The following LRMDA variants were observed in gnomAD, a reference collection of about 807,000 sequenced individuals.
LRMDA encodes leucine-rich melanocyte differentiation-associated protein.
LRMDA carries 18 observed loss-of-function variants against 29.8 expected under a neutral mutation model. That is an observed-to-expected ratio of 0.60 (90% CI 0.42 to 0.90). The LOEUF (loss-of-function observed/expected upper bound fraction) is 0.90, where lower values mean the gene tolerates loss of function less well. Ranked by LOEUF, LRMDA falls within the 40% of genes least tolerant of loss-of-function variation. The pLI is 0.00. For missense variants in LRMDA, 273 were observed against 273.9 expected (o/e 1.00, Z 0.02); for synonymous variants, 125 against 109.4 (o/e 1.14, Z -0.89).
At chr10:75,518,844 T>G (rs1845325277) in intron 2 of LRMDA, among the ~76,000 whole-genome samples, 1 of 152,234 alleles carries the variant, frequency 6.6e-6, no homozygotes, top group Admixed American at 6.5e-5. Flanking sequence ...CACTTAGTGC[T>G]ATAAATTTCC....
chr10:75,696,188 A>G (rs1323920890), intron 2 of LRMDA, among the ~76,000 whole-genome samples: 2 of 152,252 alleles, frequency 1.3e-5, no homozygotes, highest in Non-Finnish European at 2.9e-5. Flanking sequence ...TGCTGCAGTA[A>G]CAACCCCCAA....
At chr10:76,376,922 G>T (rs761301787) in intron 6 of LRMDA, among the ~76,000 whole-genome samples, 2 of 105,934 alleles carry the variant, frequency 1.9e-5, no homozygotes, top group Non-Finnish European at 3.5e-5. Flanking sequence ...GTCTCGCTCT[G>T]TTGCCCAGGC....
intron 2 of LRMDA, among the ~76,000 whole-genome samples, chr10:75,482,332 G>A (rs1191367153): frequency 6.6e-6 from 1 of 152,168 alleles, no homozygotes; most frequent in Non-Finnish European, 1.5e-5. Context: ...CCTGCAGTCT[G>A]CAACCTGGGT....
chr10:75,916,162 C>CTGTGTG (rs1384225466), intron 2 of LRMDA, among the ~76,000 whole-genome samples: 4 of 88,138 alleles, frequency 4.5e-5, no homozygotes, highest in Non-Finnish European at 7.1e-5. Context: ...ATTGCCAGGC[C>CTGTGTG]TATGTGTGTG....
chr10:75,875,971 G>A (rs1845190997), intron 2 of LRMDA, among the ~76,000 whole-genome samples: 1 of 152,148 alleles, frequency 6.6e-6, no homozygotes, highest in African/African-American at 2.4e-5. Flanking sequence ...GGACCCTGGT[G>A]GCAAGACATG....
intron 2 of LRMDA, among the ~76,000 whole-genome samples, chr10:75,530,405 G>A (rs556734902): frequency 5.3e-5 from 8 of 152,136 alleles, no homozygotes; most frequent in African/African-American, 9.7e-5. Context: ...ATTCAGGGAC[G>A]GCAATGCATG....
intron 2 of LRMDA, among the ~76,000 whole-genome samples, chr10:75,585,807 G>T (rs920800753): frequency 3.3e-5 from 5 of 152,124 alleles, no homozygotes; most frequent in Non-Finnish European, 5.9e-5. Flanking sequence ...GAAACTTTAT[G>T]CCCATTGATT....
At chr10:75,628,537 A>G (rs1362907950) in intron 2 of LRMDA, among the ~76,000 whole-genome samples, 1 of 152,230 alleles carries the variant, frequency 6.6e-6, no homozygotes, top group Non-Finnish European at 1.5e-5. Flanking sequence ...GAAGATAGGA[A>G]TATGATTTGG....
At chr10:76,307,640 T>G (rs1840574451) in intron 5 of LRMDA, among the ~76,000 whole-genome samples, 2 of 152,190 alleles carry the variant, frequency 1.3e-5, no homozygotes, top group African/African-American at 2.4e-5. Context: ...GAGGAGATTC[T>G]TTCCAGGATA....
chr10:76,212,236 A>AACACAC (rs35344389), intron 5 of LRMDA, among the ~76,000 whole-genome samples: 4,448 of 142,824 alleles, frequency 0.031, 78 homozygotes, highest in East Asian at 0.05. Context: ...TGAAAATTAA[A>AACACAC]ACACACACAC....
intron 2 of LRMDA, among the ~76,000 whole-genome samples, chr10:75,568,890 T>C (rs1840403589): frequency 6.6e-6 from 1 of 152,224 alleles, no homozygotes; most frequent in East Asian, 1.9e-4. Flanking sequence ...ACAGCTGTTA[T>C]ATGCTATTCA....
intron 2 of LRMDA, among the ~76,000 whole-genome samples, chr10:75,504,108 C>T (rs761321019): frequency 6.6e-5 from 10 of 151,618 alleles, no homozygotes; most frequent in African/African-American, 2.4e-4. Flanking sequence ...CTTGACCTTC[C>T]TGGGCTCAGG....
At chr10:76,303,466 G>A (rs975632734) in intron 5 of LRMDA, among the ~76,000 whole-genome samples, 2 of 152,096 alleles carry the variant, frequency 1.3e-5, no homozygotes, top group African/African-American at 2.4e-5. Context: ...AGAGGTGCCC[G>A]TCCAGCGCTC....
intron 4 of LRMDA, 129 bp downstream of exon 4, chr10:76,047,432 C>T (rs1848459606): frequency 2.1e-6 from 2 of 964,262 alleles, no homozygotes. Flanking sequence ...CAATGTTAAA[C>T]TTTTACCTTT....
At chr10:76,050,336 G>A (rs1848510101) in intron 4 of LRMDA, among the ~76,000 whole-genome samples, 1 of 152,058 alleles carries the variant, frequency 6.6e-6, no homozygotes, top group Non-Finnish European at 1.5e-5. Context: ...TACCCCCTGT[G>A]CACCCAGTTG....
intron 5 of LRMDA, among the ~76,000 whole-genome samples, chr10:76,238,502 G>A (rs994888739): frequency 2.6e-5 from 4 of 150,982 alleles, no homozygotes; most frequent in Non-Finnish European, 5.9e-5. Context: ...TCTACCCAGG[G>A]GTCTTCTCCT....
chr10:76,208,896 G>T (rs1224638963), intron 5 of LRMDA, among the ~76,000 whole-genome samples: 5 of 152,070 alleles, frequency 3.3e-5, no homozygotes, highest in Admixed American at 2.6e-4. Context: ...GCTCACACTT[G>T]TAATCCTAGC....
intron 2 of LRMDA, among the ~76,000 whole-genome samples, chr10:75,714,661 T>C (rs1215415693): frequency 6.6e-6 from 1 of 152,242 alleles, no homozygotes; most frequent in Non-Finnish European, 1.5e-5. Flanking sequence ...CTGTTGGGCA[T>C]TTAGGCTACT....
intron 6 of LRMDA, among the ~76,000 whole-genome samples, chr10:76,410,864 T>G (rs1319425197): frequency 3.9e-5 from 6 of 152,030 alleles, no homozygotes; most frequent in Non-Finnish European, 7.4e-5. Context: ...GATAATTGCT[T>G]GAACCCTGGA....
Sources: gnomAD v4.1 joint callset for allele counts (sites outside exome capture counted in the v4.1 genomes callset) on GRCh38, gnomAD v4.1.1 for gene constraint, MANE v1.5 for transcripts, NCBI Gene and HGNC (gene_info 2026-07-23, HGNC 2026-07-21) for gene names.